Variants in MSI2 observed in about 807,000 individuals in gnomAD.
The protein encoded by MSI2 is RNA-binding protein Musashi homolog 2.
A neutral mutation model predicts 45.6 loss-of-function variants in MSI2; 17 were observed. The ratio of observed to expected loss-of-function variants is 0.37; its 90% CI spans 0.26 to 0.56. The LOEUF (loss-of-function observed/expected upper bound fraction) is 0.56. Ranked by LOEUF, MSI2 falls within the 20% of genes least tolerant of loss-of-function variation. MSI2 has a pLI of 0.77. For missense variants in MSI2, 293 were observed against 444.2 expected, an observed-to-expected ratio of 0.66 and a Z score of 3.06; for synonymous variants, 156 against 158.2, an observed-to-expected ratio of 0.99 and a Z score of 0.11.
intron 6 of MSI2, among the ~76,000 whole-genome samples, chr17:57,444,055 A>C (rs2084850464): frequency 6.6e-6 from 1 of 152,112 alleles, no homozygotes; most frequent in Non-Finnish European, 1.5e-5. Context: ...AAACGGGAGA[A>C]CCTAAGTGCT....
chr17:57,559,083 T>G (rs1347926128), intron 7 of MSI2, among the ~76,000 whole-genome samples: 1 of 151,674 alleles, frequency 6.6e-6, no homozygotes, highest in Non-Finnish European at 1.5e-5. Flanking sequence ...AAGAAAGAAA[T>G]CAGAAGTTCT....
chr17:57,383,503 A>G (rs1252460375), intron 5 of MSI2, among the ~76,000 whole-genome samples: 2 of 152,188 alleles, frequency 1.3e-5, no homozygotes, highest in Non-Finnish European at 2.9e-5. Flanking sequence ...CTAAAAATAC[A>G]AAAAAGAATT....
At chr17:57,630,801 C>T (rs1190317868) in intron 10 of MSI2, 1 of 152,326 alleles carries the variant, frequency 6.6e-6, no homozygotes, top group East Asian at 1.9e-4. Flanking sequence ...GAGCCACAGC[C>T]TCAGGGCCAG....
chr17:57,401,317 C>A, intron 5 of MSI2, 62 bp from the exon 6 acceptor site: 1 of 1,353,584 alleles, frequency 7.4e-7, no homozygotes, highest in Non-Finnish European at 1.1e-6. Context: ...TTTCAGCAGC[C>A]TCTTGAGCCC....
At chr17:57,307,179 A>G (rs866308820) in intron 5 of MSI2, among the ~76,000 whole-genome samples, 1 of 152,204 alleles carries the variant, frequency 6.6e-6, no homozygotes, top group Non-Finnish European at 1.5e-5. Flanking sequence ...GGTTAGGCCT[A>G]TGGTGCCCAA....
chr17:57,288,423 C>T (rs1234251831), intron 5 of MSI2, among the ~76,000 whole-genome samples: 4 of 152,110 alleles, frequency 2.6e-5, no homozygotes, highest in Non-Finnish European at 5.9e-5. Flanking sequence ...TTAGTTGTAC[C>T]CTTCTGACTT....
intron 5 of MSI2, among the ~76,000 whole-genome samples, chr17:57,296,589 T>C (rs1044360439): frequency 3.3e-5 from 5 of 152,184 alleles, no homozygotes; most frequent in Admixed American, 2.0e-4. Context: ...TAAATAATCA[T>C]AAAATGTTTA....
intron 9 of MSI2, 178 bp downstream of exon 9, chr17:57,616,262 GGTGTGTGTGTGTGCATGCATGTGTGTGT>G (rs905791911): frequency 3.8e-5 from 21 of 557,804 alleles, no homozygotes; most frequent in South Asian, 6.7e-5. Flanking sequence ...ATTAAGTGTG[GGTGTGTGTGTGTGCATGCATGTGTGTGT>G]GTGTGTGTGT....
At chr17:57,321,117 A>G (rs1598116020) in intron 5 of MSI2, among the ~76,000 whole-genome samples, 1 of 151,638 alleles carries the variant, frequency 6.6e-6, no homozygotes, top group Non-Finnish European at 1.5e-5. Context: ...GGGGCCTGGG[A>G]TGGTCTAGCT....
chr17:57,529,620 T>G lies in MSI2; in HGVS notation c.406-56T>G. 1 of 1,529,168 alleles carries G rather than the reference T, an allele frequency of 6.5e-7. No homozygotes were observed. The highest frequency in any genetic ancestry group is 9.1e-7 in the Non-Finnish European group (1 of 1,104,238). The allele number at this position is 1,529,168 out of a possible 1,614,324, so 94.7% of individuals were successfully genotyped here. ...TCACCCCCCGACATGCATATAATGT[T>G]TTGTGTACTTTCTTAAAATTCCTAA... On this transcript the variant is annotated intron_variant, in intron 6 of 13. Transcript: ENST00000284073. The surrounding 1 kb of genome is among the most constrained non-coding windows in gnomAD (Gnocchi z 5.3).
chr17:57,464,669 T>C (rs1203492022), intron 6 of MSI2, among the ~76,000 whole-genome samples: 8 of 152,054 alleles, frequency 5.3e-5, no homozygotes, highest in African/African-American at 1.7e-4. Context: ...AGGCAGGGCA[T>C]CCTCCCACGC....
chr17:57,484,597 T>C (rs2085715245), intron 6 of MSI2, among the ~76,000 whole-genome samples: 2 of 152,210 alleles, frequency 1.3e-5, no homozygotes, highest in Admixed American at 1.3e-4. Context: ...ACTGTGTTCA[T>C]GTCATTCCTC....
chr17:57,297,086 G>C (rs1911024678), intron 5 of MSI2, among the ~76,000 whole-genome samples: 1 of 151,960 alleles, frequency 6.6e-6, no homozygotes, highest in African/African-American at 2.4e-5. Flanking sequence ...TCTTGGCCAG[G>C]CTGGTCTTGA....
intron 7 of MSI2, among the ~76,000 whole-genome samples, chr17:57,571,533 G>C (rs2144311248): frequency 6.6e-6 from 1 of 152,290 alleles, no homozygotes; most frequent in East Asian, 1.9e-4. Flanking sequence ...TTCTCCTCTG[G>C]TTCTTGTGCT....
At chr17:57,601,327 C>T (rs1905844680) in intron 8 of MSI2, 1 of 152,280 alleles carries the variant, frequency 6.6e-6, no homozygotes, top group Admixed American at 6.5e-5. Context: ...CACAAGCTCT[C>T]CAAGCCAGAG....
intron 5 of MSI2, among the ~76,000 whole-genome samples, chr17:57,385,642 ACT>A (rs1050492367): frequency 7.9e-5 from 12 of 152,108 alleles, no homozygotes; most frequent in African/African-American, 2.9e-4. Flanking sequence ...CAAGAGCAAA[ACT>A]CTGTCTCAAA....
At chr17:57,339,961 T>C (rs1317158115) in intron 5 of MSI2, among the ~76,000 whole-genome samples, 4 of 152,214 alleles carry the variant, frequency 2.6e-5, no homozygotes, top group Non-Finnish European at 5.9e-5. Flanking sequence ...GGAATGGAAC[T>C]GACTGCTATA....
intron 5 of MSI2, among the ~76,000 whole-genome samples, chr17:57,345,978 G>A (rs568264104): frequency 6.6e-6 from 1 of 152,166 alleles, no homozygotes; most frequent in Admixed American, 6.5e-5. Flanking sequence ...TTTTTGAAAT[G>A]TATCAATAGG....
chr17:57,317,330 A>G (rs1912929597), intron 5 of MSI2, among the ~76,000 whole-genome samples: 1 of 152,132 alleles, frequency 6.6e-6, no homozygotes, highest in African/African-American at 2.4e-5. Flanking sequence ...GGCATTTTGA[A>G]AAAAGGAGAC....
Sources: gnomAD v4.1 joint callset for allele counts (sites outside exome capture counted in the v4.1 genomes callset) on GRCh38, gnomAD v4.1.1 for gene constraint, Gnocchi (gnomAD v3.1) non-coding constraint, MANE v1.5 for transcripts, NCBI Gene and HGNC (gene_info 2026-07-23, HGNC 2026-07-21) for gene names.